Variants in FRMD4A observed in about 807,000 individuals in gnomAD.
FRMD4A encodes FERM domain-containing protein 4A.
FRMD4A carries 29 observed loss-of-function variants against 129.1 expected under a neutral mutation model. The observed-to-expected ratio is 0.22, with a 90% CI of 0.17 to 0.31. FRMD4A has a LOEUF of 0.31. Among genes scored for constraint, FRMD4A ranks in the 10% least tolerant of loss-of-function variants. FRMD4A has a pLI of 1.00. For synonymous variants in FRMD4A, 634 were observed against 571.6 expected, an observed-to-expected ratio of 1.11 and a Z score of -1.56; for missense variants, 1,272 against 1,375.8, an observed-to-expected ratio of 0.92 and a Z score of 1.19.
chr10:14,320,661 T>C (rs1409875098), intron 2 of FRMD4A, among the ~76,000 whole-genome samples: 1 of 152,200 alleles, frequency 6.6e-6, no homozygotes, highest in Non-Finnish European at 1.5e-5. Context: ...ACCTAAGCAT[T>C]TTCAGTACTT....
chr10:13,698,493 C>T (rs951570900), intron 14 of FRMD4A, among the ~76,000 whole-genome samples: 1 of 152,200 alleles, frequency 6.6e-6, no homozygotes, highest in South Asian at 2.1e-4. Context: ...ATTCCAGAAA[C>T]AGAAAGGTGT....
intron 2 of FRMD4A, among the ~76,000 whole-genome samples, chr10:14,128,089 TTTC>T (rs1236713644): frequency 5.2e-5 from 6 of 116,300 alleles, no homozygotes; most frequent in African/African-American, 6.3e-5. Flanking sequence ...TCTTTCTTTC[TTTC>T]TTTCTTTCTT....
intron 3 of FRMD4A, among the ~76,000 whole-genome samples, chr10:13,816,891 G>C (rs1268446332): frequency 6.6e-6 from 1 of 152,228 alleles, no homozygotes; most frequent in Non-Finnish European, 1.5e-5. Flanking sequence ...CCCTGGGTTT[G>C]TCAGAATTAG....
At chr10:14,328,844 G>A (rs1029986769) in intron 2 of FRMD4A, among the ~76,000 whole-genome samples, 6 of 152,086 alleles carry the variant, frequency 3.9e-5, no homozygotes, top group Admixed American at 6.5e-5. Flanking sequence ...ATCATCAGAC[G>A]ATAGAATTAG....
chr10:13,801,331 T>C (rs533030005), intron 4 of FRMD4A, among the ~76,000 whole-genome samples: 2 of 152,268 alleles, frequency 1.3e-5, no homozygotes, highest in South Asian at 4.1e-4. Flanking sequence ...ACCTATATGA[T>C]CCTACATGGA....
chr10:14,187,534 T>C (rs1004755716), intron 2 of FRMD4A, among the ~76,000 whole-genome samples: 13 of 152,190 alleles, frequency 8.5e-5, no homozygotes, highest in African/African-American at 3.1e-4. Context: ...CATGCCTTTC[T>C]CCATTTACCC....
intron 2 of FRMD4A, chr10:13,972,167 T>C (rs1188045449): frequency 2.9e-6 from 3 of 1,040,224 alleles, no homozygotes; most frequent in Non-Finnish European, 2.3e-6. Context: ...AAACAGAACT[T>C]AGGGAAGACC....
At chr10:14,160,800 C>T (rs79800091) in intron 2 of FRMD4A, among the ~76,000 whole-genome samples, 2,696 of 152,238 alleles carry the variant, frequency 0.018, 72 homozygotes, top group African/African-American at 0.06. Flanking sequence ...TCTGGATATT[C>T]GCTTCACAAG....
At chr10:14,187,755 A>G (rs1382741965) in intron 2 of FRMD4A, among the ~76,000 whole-genome samples, 1 of 152,238 alleles carries the variant, frequency 6.6e-6, no homozygotes, top group Non-Finnish European at 1.5e-5. Context: ...GAAGGAACTC[A>G]ATAAATACTT....
At chr10:13,662,850 C>G (rs923923625) in intron 19 of FRMD4A, among the ~76,000 whole-genome samples, 1 of 152,128 alleles carries the variant, frequency 6.6e-6, no homozygotes, top group Non-Finnish European at 1.5e-5. Context: ...CTACCCTTTT[C>G]TTTTAGATAC....
chr10:13,795,388 T>G (rs1029243362), intron 5 of FRMD4A, among the ~76,000 whole-genome samples: 1 of 152,172 alleles, frequency 6.6e-6, no homozygotes, highest in East Asian at 1.9e-4. Flanking sequence ...AAGCGCAAGT[T>G]GAAATTTACT....
intron 2 of FRMD4A, among the ~76,000 whole-genome samples, chr10:14,292,682 C>G (rs1002124386): frequency 4.6e-5 from 7 of 152,102 alleles, no homozygotes; most frequent in Admixed American, 1.3e-4. Context: ...CACCTGTAGT[C>G]CCAGCTACTC....
chr10:14,014,958 C>T (rs2095693585), intron 2 of FRMD4A, among the ~76,000 whole-genome samples: 1 of 123,216 alleles, frequency 8.1e-6, no homozygotes, highest in Non-Finnish European at 1.7e-5. Flanking sequence ...TTCTTTCCTT[C>T]CTTCCTTCCC....
chr10:13,771,424 C>T (rs1317772102), intron 6 of FRMD4A, among the ~76,000 whole-genome samples: 1 of 152,184 alleles, frequency 6.6e-6, no homozygotes, highest in Non-Finnish European at 1.5e-5. Flanking sequence ...CCCAAGAACA[C>T]CCATAAAGCA....
intron 2 of FRMD4A, among the ~76,000 whole-genome samples, chr10:13,936,413 C>T (rs1197654360): frequency 1.3e-5 from 2 of 152,164 alleles, no homozygotes; most frequent in African/African-American, 2.4e-5. Context: ...GCTGAATGTG[C>T]TCCTCCAAAA....
At chr10:13,900,293 A>G (rs895229388) in intron 2 of FRMD4A, among the ~76,000 whole-genome samples, 1 of 152,200 alleles carries the variant, frequency 6.6e-6, no homozygotes, top group African/African-American at 2.4e-5. Flanking sequence ...CTGTCATTTG[A>G]AATAACCAAG....
intron 2 of FRMD4A, among the ~76,000 whole-genome samples, chr10:14,155,725 G>T (rs1259364618): frequency 6.6e-6 from 1 of 152,144 alleles, no homozygotes; most frequent in Admixed American, 6.6e-5. Flanking sequence ...AAAAATGAAA[G>T]TAAATGTTAG....
At chr10:14,135,594 A>G (rs553249657) in intron 2 of FRMD4A, among the ~76,000 whole-genome samples, 1 of 152,348 alleles carries the variant, frequency 6.6e-6, no homozygotes, top group Non-Finnish European at 1.5e-5. Context: ...TCTGTTATCA[A>G]GAGGCATAGG....
At chr10:14,291,389 T>C (rs1006743239) in intron 2 of FRMD4A, among the ~76,000 whole-genome samples, 4 of 152,142 alleles carry the variant, frequency 2.6e-5, no homozygotes, top group African/African-American at 9.6e-5. Flanking sequence ...GGAGGAAGAC[T>C]TAAATATAGA....
Sources: allele counts gnomAD v4.1 joint callset (sites outside exome capture counted in the v4.1 genomes callset), GRCh38; gene constraint gnomAD v4.1.1; transcripts MANE v1.5; gene names NCBI Gene and HGNC (gene_info 2026-07-23, HGNC 2026-07-21).